The following DOCK3 variants were observed in gnomAD, a reference collection of about 807,000 sequenced individuals.
DOCK3 encodes the protein dedicator of cytokinesis protein 3.
A neutral mutation model predicts 265.6 loss-of-function variants in DOCK3; 60 were observed. The ratio of observed to expected loss-of-function variants is 0.23; its 90% CI spans 0.18 to 0.28. DOCK3 has a LOEUF of 0.28. Among genes scored for constraint, DOCK3 ranks in the 10% least tolerant of loss-of-function variants. DOCK3 has a pLI of 1.00. For synonymous variants in DOCK3, 881 were observed against 938.0 expected, an observed-to-expected ratio of 0.94 and a Z score of 1.11; for missense variants, 1,981 against 2,594.3, an observed-to-expected ratio of 0.76 and a Z score of 5.14.
intron 6 of DOCK3, among the ~76,000 whole-genome samples, chr3:51,068,560 A>AAAAGAAGAAGAAG (rs529031027): frequency 1.2e-5 from 1 of 82,460 alleles, no homozygotes; most frequent in Admixed American, 1.8e-4. Flanking sequence ...AAAAAAAAAA[A>AAAAGAAGAAGAAG]AAGAAGAAGA....
chr3:50,860,212 G>A (rs1411786862), intron 3 of DOCK3, among the ~76,000 whole-genome samples: 2 of 152,190 alleles, frequency 1.3e-5, no homozygotes, highest in African/African-American at 4.8e-5. Flanking sequence ...TGGGTTGACT[G>A]CAGCTTGTTG....
chr3:50,928,494 T>C (rs773680787), intron 4 of DOCK3, among the ~76,000 whole-genome samples: 2 of 152,234 alleles, frequency 1.3e-5, no homozygotes, highest in African/African-American at 4.8e-5. Context: ...CTTTTTAAGG[T>C]TGAATAATAT....
intron 12 of DOCK3, among the ~76,000 whole-genome samples, chr3:51,165,966 G>A (rs148700502): frequency 6.0e-5 from 9 of 148,816 alleles, no homozygotes; most frequent in African/African-American, 1.5e-4. Flanking sequence ...TCATTCATCC[G>A]TCACTTCCCA....
chr3:50,832,360 A>G (rs976576999), intron 2 of DOCK3, among the ~76,000 whole-genome samples: 8 of 152,222 alleles, frequency 5.3e-5, no homozygotes, highest in Admixed American at 3.3e-4. Flanking sequence ...AAATTGACAA[A>G]TGGGATCTAA....
chr3:50,830,141 A>T (rs1039234149), intron 2 of DOCK3, among the ~76,000 whole-genome samples: 5 of 152,226 alleles, frequency 3.3e-5, no homozygotes, highest in African/African-American at 1.2e-4. Flanking sequence ...ATTATTAGTT[A>T]TATAACTGGA....
chr3:51,067,642 T>C (rs2081652789), intron 6 of DOCK3, among the ~76,000 whole-genome samples: 1 of 151,700 alleles, frequency 6.6e-6, no homozygotes, highest in South Asian at 2.1e-4. Flanking sequence ...ACCCCTCTCT[T>C]CCTTTTTTTC....
intron 1 of DOCK3, among the ~76,000 whole-genome samples, chr3:50,721,849 G>C (rs1475625024): frequency 6.6e-6 from 1 of 152,056 alleles, no homozygotes; most frequent in Non-Finnish European, 1.5e-5. Context: ...ATTTGTATGT[G>C]TCATCTTTGA....
At chr3:51,319,039 A>AT in intron 32 of DOCK3, among the ~76,000 whole-genome samples, 2 of 152,060 alleles carry the variant, frequency 1.3e-5, no homozygotes, top group Middle Eastern at 6.8e-3. Flanking sequence ...TATATCTCTT[A>AT]TTTTTCTTGC....
intron 1 of DOCK3, among the ~76,000 whole-genome samples, chr3:50,763,596 G>C (rs971105513): frequency 6.6e-6 from 1 of 152,030 alleles, no homozygotes; most frequent in African/African-American, 2.4e-5. Context: ...ATTTCTTCTT[G>C]AGTCAGTTTT....
chr3:51,179,318 T>G (rs1335814372), intron 12 of DOCK3, among the ~76,000 whole-genome samples: 1 of 152,246 alleles, frequency 6.6e-6, no homozygotes, highest in Admixed American at 6.5e-5. Flanking sequence ...AATACCATAG[T>G]CATCCTAATA....
At chr3:51,223,296 G>A (rs1341818305) in intron 14 of DOCK3, among the ~76,000 whole-genome samples, 3 of 152,026 alleles carry the variant, frequency 2.0e-5, no homozygotes, top group African/African-American at 7.2e-5. Flanking sequence ...GTTTGAAAAT[G>A]TTTCATTTGA....
chr3:51,182,990 G>A lies in DOCK3; in HGVS notation c.1037+22288G>A, dbSNP rs955989808. On this transcript the variant is annotated intron_variant, in intron 12 of 52. Transcript: ENST00000266037. Reference sequence around the variant, plus strand: ...GTTTTTATACTAATCCTGGCTCACAGACAAATGTATGCATCTGGTTTCCTC... The same window carrying A: ...GTTTTTATACTAATCCTGGCTCACAAACAAATGTATGCATCTGGTTTCCTC... 2.6e-5 allele frequency among the ~76,000 whole-genome samples: 4 copies of A among 152,182 alleles called. 1 individual carries two copies. The South Asian group carries it at 6.2e-4, about 24-fold the overall frequency.
intron 12 of DOCK3, among the ~76,000 whole-genome samples, chr3:51,199,452 A>C (rs1199023176): frequency 6.6e-6 from 1 of 152,196 alleles, no homozygotes; most frequent in African/African-American, 2.4e-5. Flanking sequence ...CAGCAGTCTG[A>C]GATCAAACTG....
At chr3:51,307,787 G>A (rs1467027075) in intron 27 of DOCK3, among the ~76,000 whole-genome samples, 1 of 150,584 alleles carries the variant, frequency 6.6e-6, no homozygotes, top group Non-Finnish European at 1.5e-5. Context: ...TCATTCCTCA[G>A]ATTTTCCTTA....
chr3:51,212,363 C>G (rs1406549015), intron 13 of DOCK3, among the ~76,000 whole-genome samples: 1 of 150,904 alleles, frequency 6.6e-6, no homozygotes, highest in Non-Finnish European at 1.5e-5. Flanking sequence ...TCAGAAAATG[C>G]AAAGACAAAA....
At chr3:51,332,872 C>T in intron 33 of DOCK3, 129 bp from the exon 34 acceptor site, 1 of 1,186,566 alleles carries the variant, frequency 8.4e-7, no homozygotes, top group Admixed American at 2.0e-5. Flanking sequence ...GTGGCTGGAG[C>T]CGAACCCCTC....
intron 49 of DOCK3, among the ~76,000 whole-genome samples, 160 bp downstream of exon 49, chr3:51,362,834 A>G (rs2086836803): frequency 6.6e-6 from 1 of 152,228 alleles, no homozygotes; most frequent in African/African-American, 2.4e-5. Context: ...TCCTGCCTCC[A>G]GGCCTCTTCC....
chr3:51,188,507 C>G (rs1227183535), intron 12 of DOCK3, among the ~76,000 whole-genome samples: 1 of 152,158 alleles, frequency 6.6e-6, no homozygotes, highest in African/African-American at 2.4e-5. Context: ...AGTGAATCTA[C>G]TCAACTCTCA....
chr3:51,096,359 A>C (rs1290684022), intron 9 of DOCK3, among the ~76,000 whole-genome samples: 1 of 149,538 alleles, frequency 6.7e-6, no homozygotes, highest in Non-Finnish European at 1.5e-5. Context: ...TTTTTTCTCT[A>C]ATCTTTTCTT....
Sources: gnomAD v4.1 joint callset for allele counts (sites outside exome capture counted in the v4.1 genomes callset) on GRCh38, gnomAD v4.1.1 for gene constraint, MANE v1.5 for transcripts, NCBI Gene and HGNC (gene_info 2026-07-23, HGNC 2026-07-21) for gene names.